CEP250: variants seen among roughly 807,000 people sequenced by gnomAD.
CEP250 encodes the protein centrosomal protein 250, also known as centrosome-associated protein CEP250.
CEP250 carries 242 observed loss-of-function variants against 315.7 expected under a neutral mutation model. The observed-to-expected ratio is 0.77, with a 90% CI of 0.69 to 0.85. The LOEUF (loss-of-function observed/expected upper bound fraction) is 0.85, where lower values mean the gene tolerates loss of function less well. Among genes scored for constraint, CEP250 ranks in the 40% least tolerant of loss-of-function variants. CEP250 has a pLI of 0.00. For synonymous variants in CEP250, 1,088 were observed against 1,175.0 expected, an observed-to-expected ratio of 0.93 and a Z score of 1.51; for missense variants, 2,515 against 2,886.4, an observed-to-expected ratio of 0.87 and a Z score of 2.95.
upstream of CEP250, chr20:35,455,543 C>A (rs1037021589): frequency 2.0e-5 from 3 of 152,402 alleles, no homozygotes; most frequent in Non-Finnish European, 4.4e-5. Flanking sequence ...TGCCGCCCCC[C>A]CGCCCCTCGC....
chr20:35,482,441 G>A (rs879490721), intron 20 of CEP250, among the ~76,000 whole-genome samples: 10 of 150,738 alleles, frequency 6.6e-5, no homozygotes, highest in Non-Finnish European at 1.2e-4. Context: ...TGTATTCACC[G>A]TGTTAGCCAG....
intron 1 of CEP250, among the ~76,000 whole-genome samples, chr20:35,456,704 G>T (rs371307654): frequency 6.6e-6 from 1 of 152,080 alleles, no homozygotes; most frequent in Non-Finnish European, 1.5e-5. Context: ...ATGTAATGGA[G>T]AGAGTGTAGA....
intron 20 of CEP250, among the ~76,000 whole-genome samples, chr20:35,483,420 A>G (rs536153573): frequency 1.4e-4 from 21 of 151,802 alleles, no homozygotes. Context: ...TGATACAATC[A>G]TAGCTCACTG....
intron 1 of CEP250, among the ~76,000 whole-genome samples, 168 bp downstream of exon 1, chr20:35,455,919 G>C (rs1288762281): frequency 2.6e-5 from 4 of 152,192 alleles, no homozygotes; most frequent in Non-Finnish European, 5.9e-5. Flanking sequence ...TTTAGAGACG[G>C]AGTTTCGCGC....
intron 28 of CEP250, among the ~76,000 whole-genome samples, chr20:35,501,261 C>T (rs1422865107): frequency 1.3e-5 from 2 of 151,946 alleles, no homozygotes; most frequent in Non-Finnish European, 2.9e-5. Context: ...CGCTTGAACC[C>T]GGGAGGTGGA....
intron 34 of CEP250, 94 bp from the exon 35 acceptor site, chr20:35,511,265 TCAGC>T (rs1176400856): frequency 4.7e-6 from 5 of 1,073,978 alleles, no homozygotes; most frequent in Non-Finnish European, 6.7e-6. Flanking sequence ...ATTCAGATGA[TCAGC>T]CAACGAGCTT....
In CEP250 at chr20:35,508,035, G is replaced by A; in HGVS notation, c.6751G>A (p.Val2251Ile). ...RGEQGVQLGE[V>I]SGVEAEPSPD... is the part of the protein sequence containing the mutation. ...TGAGATTCACAGGTCTTTCCCACAGGTCTCAGGAGTGGAGGCTGAGCCTAG... is the reference window on the plus strand; with the variant it reads ...TGAGATTCACAGGTCTTTCCCACAGATCTCAGGAGTGGAGGCTGAGCCTAG... The change falls in exon 32 of 35, where the codon GTC (valine) becomes ATC (isoleucine). Residue 2251 changes from valine (V) to isoleucine (I), a missense_variant and splice_region_variant. Coordinates refer to ENST00000397527, the MANE Select transcript of CEP250 (RefSeq NM_007186.6). 6.2e-7 allele frequency: 1 copy of A among 1,614,188 alleles called. No individual in the cohort carries two copies. The highest frequency in any genetic ancestry group is 8.5e-7 in the Non-Finnish European group (1 of 1,180,042).
In CEP250 at chr20:35,503,979, G is replaced by C. The variant is rs2064101812; in HGVS notation, c.5610G>C (p.Arg1870Ser). The C allele has an allele frequency of 1.9e-6, 3 of 1,610,672 alleles. No homozygotes were observed. Among genetic ancestry groups the C allele is most frequent in the Non-Finnish European group, 2.5e-6 (3 of 1,177,896 alleles). The change falls in exon 30 of 35, where the codon AGG becomes AGC. Residue 1870 changes from arginine (R) to serine (S), a missense_variant. By Grantham distance (110) the Arg-to-Ser change is moderately radical. Transcript: ENST00000397527. This position sits in a 1 kb window ranked among gnomAD's most constrained non-coding sequence, Gnocchi z 4.2. ...ELQDHKEQAR[R>S]LEEELAVEGR... ...AGGACCACAAGGAACAGGCACGAAG[G>C]CTGGAGGAAGAGCTGGCAGTGGAGG...
At position 35,467,403 on chromosome 20, in the gene CEP250, C is replaced by G; in HGVS notation, c.699C>G (p.Asn233Lys). The stretch of plus-strand genomic sequence containing the variant: ...TGGGAGCACAGTCTCGGGAACCCAA[C>G]GGATCTGGAAGAATGGATGGGCGGG... ...LTVGAQSREP[N>K]GSGRMDGREP... is the part of the protein sequence containing the mutation. The change falls in exon 9 of 35, where the codon AAC becomes AAG. Residue 233 changes from asparagine (N) to lysine (K), a missense_variant. Asn to Lys is a moderately conservative substitution (Grantham distance 94). Transcript: ENST00000397527. 4 of 1,614,164 alleles carry G rather than the reference C, an allele frequency of 2.5e-6. No homozygotes were observed. Among genetic ancestry groups the G allele is most frequent in the Non-Finnish European group, 3.4e-6 (4 of 1,180,030 alleles).
At chr20:35,460,766 T>C (rs1226715766) in intron 3 of CEP250, among the ~76,000 whole-genome samples, 1 of 152,268 alleles carries the variant, frequency 6.6e-6, no homozygotes, top group Non-Finnish European at 1.5e-5. Flanking sequence ...ACACAATGGC[T>C]GAAAAGAGCT....
In CEP250 at chr20:35,517,998, C is replaced by T. The variant is rs1267700938; in HGVS notation, c.*6372C>T. 1.3e-5 allele frequency: 2 copies of T among 148,510 alleles called. No individual in the cohort carries two copies. The highest frequency in any genetic ancestry group is 1.5e-5 in the Non-Finnish European group (1 of 67,434). 9.2% of individuals were successfully genotyped at this position (148,510 alleles called of 1,614,324 possible). A position where few individuals can be genotyped will look rare whatever the true frequency, so the allele number is the denominator to read the frequency against. The stretch of plus-strand genomic sequence containing the variant: ...GGTCAAGGTTGCAGTGAACCATGAT[C>T]ATGTCACTGCACTCACTCCAGCCTG... On this transcript the variant is annotated 3_prime_UTR_variant, in exon 35 of 35. Coordinates refer to ENST00000397527, the MANE Select transcript of CEP250 (RefSeq NM_007186.6).
chr20:35,491,061 G>T, intron 21 of CEP250, 151 bp from the exon 22 acceptor site: 1 of 978,694 alleles, frequency 1.0e-6, no homozygotes, highest in Non-Finnish European at 1.5e-6. Context: ...GCACTTCCTT[G>T]TTCTGAACCC....
In CEP250 at chr20:35,492,005, C is replaced by A. The variant is rs575611200; in HGVS notation, c.2889+659C>A. Among the ~76,000 whole-genome samples the A allele has an allele frequency of 1.3e-4, 19 of 151,300 alleles. 1 individual carries two copies. Among genetic ancestry groups the A allele is most frequent in the Admixed American group, 4.0e-4 (6 of 15,164 alleles). On this transcript the variant is annotated intron_variant, in intron 22 of 34. Coordinates refer to ENST00000397527, the MANE Select transcript of CEP250 (RefSeq NM_007186.6). ...GTGGCAGAAATGGATGACAAATGAG[C>A]AGACACAAAGTAAATGAGATTATTA...
chr20:35,509,176 G>T, intron 33 of CEP250, 132 bp downstream of exon 33: 2 of 705,154 alleles, frequency 2.8e-6, no homozygotes, highest in Non-Finnish European at 4.8e-6. Flanking sequence ...ACTGCATTCT[G>T]CCCTGCTCGG....
At chr20:35,505,652 CAA>C (rs57141703) in intron 30 of CEP250, among the ~76,000 whole-genome samples, 20 of 103,160 alleles carry the variant, frequency 1.9e-4, no homozygotes, top group Admixed American at 1.8e-3. Context: ...GACTCCATCT[CAA>C]AAAAAAAAAA....
chr20:35,469,331 A>T (rs2062968138), intron 9 of CEP250, among the ~76,000 whole-genome samples: 1 of 152,194 alleles, frequency 6.6e-6, no homozygotes, highest in Admixed American at 6.5e-5. Context: ...AAACTTTTAG[A>T]TAGCATTCAT....
In CEP250 at chr20:35,502,712, AG is replaced by A. The variant is rs2064046054; in HGVS notation, c.4344del (p.Lys1449SerfsTer17). ...ETLRGQIQEL[E>X]KQREMQKAAL... ...CTGCGGGGACAAATCCAGGAACTGG[AG>A]AAGCAACGGGAAATGCAGAAGGCTG... On this transcript the variant is annotated frameshift_variant, in exon 30 of 35. Coordinates refer to ENST00000397527, the MANE Select transcript of CEP250 (RefSeq NM_007186.6). LOFTEE classifies it high-confidence loss of function. The A allele has an allele frequency of 6.2e-7, 1 of 1,614,144 alleles. No individual in the cohort carries two copies. Among genetic ancestry groups the A allele is most frequent in the East Asian group, 2.2e-5 (1 of 44,906 alleles).
At chr20:35,508,860 C>T in intron 32 of CEP250, 83 bp from the exon 33 acceptor site, 1 of 1,109,748 alleles carries the variant, frequency 9.0e-7, no homozygotes, top group South Asian at 1.4e-5. Flanking sequence ...CCTGCACAGG[C>T]ACTGGCCACC....
chr20:35,491,706 T>C (rs2063700898), intron 22 of CEP250, among the ~76,000 whole-genome samples: 1 of 151,868 alleles, frequency 6.6e-6, no homozygotes, highest in Non-Finnish European at 1.5e-5. Context: ...AGTTCGAGAC[T>C]AGCCTGGCCA....
Sources: gnomAD v4.1 joint callset for allele counts (sites outside exome capture counted in the v4.1 genomes callset) on GRCh38, gnomAD v4.1.1 for gene constraint, Gnocchi (gnomAD v3.1) non-coding constraint, MANE v1.5 for transcripts, NCBI Gene and HGNC (gene_info 2026-07-23, HGNC 2026-07-21) for gene names.